PPFIA2: variants seen among roughly 807,000 people sequenced by gnomAD.
PPFIA2 encodes PPFI scaffold protein A2.
A neutral mutation model predicts 175.5 loss-of-function variants in PPFIA2; 46 were observed. The observed-to-expected ratio is 0.26, with a 90% CI of 0.21 to 0.34. The LOEUF (loss-of-function observed/expected upper bound fraction) is 0.34, where lower values mean the gene tolerates loss of function less well. PPFIA2 is among the 10% of genes least tolerant of loss of function. The pLI, the probability that PPFIA2 is intolerant of heterozygous loss-of-function variation, is 1.00. For synonymous variants in PPFIA2, 568 were observed against 511.4 expected (o/e 1.11, Z -1.49); for missense variants, 1,179 against 1,506.1 (o/e 0.78, Z 3.60).
intron 4 of PPFIA2, among the ~76,000 whole-genome samples, chr12:81,657,691 C>T (rs1414858170): frequency 6.6e-6 from 1 of 152,096 alleles, no homozygotes; most frequent in East Asian, 1.9e-4. Context: ...GTACCTTAAA[C>T]AGTTGCAGTA....
chr12:81,277,269 T>C, intron 28 of PPFIA2, 48 bp downstream of exon 28: 2 of 1,482,054 alleles, frequency 1.3e-6, no homozygotes, highest in Non-Finnish European at 1.8e-6. Context: ...AAGTGAAAGC[T>C]AAAAACCCCA....
chr12:81,425,918 G>A (rs1465606710), intron 7 of PPFIA2, among the ~76,000 whole-genome samples: 1 of 152,114 alleles, frequency 6.6e-6, no homozygotes, highest in African/African-American at 2.4e-5. Context: ...AAAAAATTAA[G>A]ATGATTTATA....
intron 4 of PPFIA2, among the ~76,000 whole-genome samples, chr12:81,463,001 C>T (rs577521569): frequency 1.3e-5 from 2 of 151,956 alleles, no homozygotes; most frequent in African/African-American, 4.8e-5. Context: ...TGGTATTTCT[C>T]TAGTCTAGCA....
At chr12:81,706,883 T>C (rs1344535394) in intron 3 of PPFIA2, among the ~76,000 whole-genome samples, 1 of 152,198 alleles carries the variant, frequency 6.6e-6, no homozygotes, top group Non-Finnish European at 1.5e-5. Flanking sequence ...TACAACTATC[T>C]GATCTTTGAC....
chr12:81,559,724 T>A (rs973493200), intron 4 of PPFIA2, among the ~76,000 whole-genome samples: 1 of 152,116 alleles, frequency 6.6e-6, no homozygotes, highest in Non-Finnish European at 1.5e-5. Flanking sequence ...TCTTTGAAAT[T>A]ATAAATGCAA....
chr12:81,501,792 T>G (rs1331322447), intron 4 of PPFIA2, among the ~76,000 whole-genome samples: 2 of 152,190 alleles, frequency 1.3e-5, no homozygotes, highest in African/African-American at 4.8e-5. Context: ...AAGGCAGTAT[T>G]CTTTTCAAGG....
Position 81,707,238 on chromosome 12 carries a change from C to T in PPFIA2, c.250-30394G>A, listed in dbSNP as rs1398692545. Among the ~76,000 whole-genome samples the T allele has an allele frequency of 4.9e-3, 741 of 151,804 alleles. 3 individuals are homozygous for T. The highest frequency in any genetic ancestry group is 0.016 in the African/African-American group (669 of 41,424). On this transcript the variant is annotated intron_variant, in intron 3 of 32. Coordinates refer to ENST00000549396, the MANE Select transcript of PPFIA2 (RefSeq NM_003625.5). ...CTACCATCAGAGTGAACAGGCAACC[C>T]ACAAAATGGGAGAAAATTTTCACAA...
chr12:81,402,215 T>C (rs2042200275), intron 8 of PPFIA2, among the ~76,000 whole-genome samples: 1 of 152,174 alleles, frequency 6.6e-6, no homozygotes, highest in Non-Finnish European at 1.5e-5. Context: ...TATCTAATAA[T>C]AGTTTTACAT....
intron 3 of PPFIA2, among the ~76,000 whole-genome samples, chr12:81,684,657 A>G (rs2074177652): frequency 6.6e-6 from 1 of 152,144 alleles, no homozygotes; most frequent in Non-Finnish European, 1.5e-5. Context: ...CTGAGTGAAT[A>G]AACTAATAAA....
In PPFIA2 at chr12:81,362,750, G is replaced by C. The variant is rs1331216888; in HGVS notation, c.1580C>G (p.Ser527Cys). 6.5e-7 allele frequency: 1 copy of C among 1,546,294 alleles called. No individual in the cohort carries two copies. The highest frequency in any genetic ancestry group is 2.0e-5 in the Admixed American group (1 of 50,856). ...RLAEEIEKLR[S>C]ELDQLKMRTG... Reference sequence around the variant, plus strand: ...TCTCATTTTCAATTGGTCAAGTTCAGATCTCAGCTTTTCAATTTCTTCTGC... The same window carrying C: ...TCTCATTTTCAATTGGTCAAGTTCACATCTCAGCTTTTCAATTTCTTCTGC... Residue 527 changes from serine (S) to cysteine (C), a missense_variant, in exon 15 of 33, where the codon TCT becomes TGT. By Grantham distance (112) the Ser-to-Cys change is moderately radical. This residue lies in a region of PPFIA2 where 186 missense variants were observed against 163.6 expected (regional missense o/e 1.14). Coordinates refer to ENST00000549396, the MANE Select transcript of PPFIA2 (RefSeq NM_003625.5).
intron 5 of PPFIA2, among the ~76,000 whole-genome samples, chr12:81,450,946 A>G (rs1255929920): frequency 6.6e-6 from 1 of 152,148 alleles, no homozygotes; most frequent in African/African-American, 2.4e-5. Context: ...ATATCCTCAG[A>G]ACTACTGATA....
intron 4 of PPFIA2, among the ~76,000 whole-genome samples, chr12:81,634,172 C>T (rs1480619905): frequency 6.6e-6 from 1 of 151,980 alleles, no homozygotes; most frequent in Non-Finnish European, 1.5e-5. Flanking sequence ...TTCTCATGGG[C>T]TGCTCTGTAT....
intron 4 of PPFIA2, among the ~76,000 whole-genome samples, chr12:81,648,530 A>T (rs2066517608): frequency 6.6e-6 from 1 of 152,154 alleles, no homozygotes; most frequent in East Asian, 1.9e-4. Flanking sequence ...ATATTCATGG[A>T]TCAGGAGATT....
At chr12:81,732,776 T>G (rs1228426603) in intron 3 of PPFIA2, among the ~76,000 whole-genome samples, 1 of 151,578 alleles carries the variant, frequency 6.6e-6, no homozygotes, top group Admixed American at 6.6e-5. Flanking sequence ...AATAGCATCT[T>G]TCTCTTAGTG....
chr12:81,730,991 T>C (rs1202148735), intron 3 of PPFIA2, among the ~76,000 whole-genome samples: 6 of 151,658 alleles, frequency 4.0e-5, no homozygotes, highest in Non-Finnish European at 8.9e-5. Flanking sequence ...TAGTAGTTTT[T>C]GATTAAAACT....
chr12:81,471,362 C>T (rs2056697332), intron 4 of PPFIA2: 2 of 151,150 alleles, frequency 1.3e-5, no homozygotes, highest in African/African-American at 2.4e-5. Flanking sequence ...AGAGATCTCC[C>T]TATATTTCCC....
chr12:81,465,331 C>T (rs2055412366), intron 4 of PPFIA2: 1 of 152,116 alleles, frequency 6.6e-6, no homozygotes, highest in Non-Finnish European at 1.5e-5. Flanking sequence ...TGGAATTCAG[C>T]TTCACTAAAC....
intron 4 of PPFIA2, among the ~76,000 whole-genome samples, chr12:81,536,684 T>TATACATGC (rs1292669410): frequency 6.9e-6 from 1 of 145,646 alleles, no homozygotes. Context: ...TCAATTAATA[T>TATACATGC]ATACATGCTA....
chr12:81,628,376 C>CTT (rs11304359), intron 4 of PPFIA2, among the ~76,000 whole-genome samples: 1,583 of 111,710 alleles, frequency 0.014, 40 homozygotes, highest in Non-Finnish European at 0.022. Context: ...TTTCTTTTAC[C>CTT]TTTTTTTTTT....
Sources: gnomAD v4.1 joint callset for allele counts (sites outside exome capture counted in the v4.1 genomes callset) on GRCh38, gnomAD v4.1.1 for gene constraint, gnomAD v4.1.1 regional missense constraint, MANE v1.5 for transcripts, NCBI Gene and HGNC (gene_info 2026-07-23, HGNC 2026-07-21) for gene names.